MYH11: variants seen among roughly 807,000 people sequenced by gnomAD.
MYH11 encodes myosin-11.
Under a neutral mutation model 246.6 loss-of-function variants are expected in MYH11, and 80 were observed. The observed-to-expected ratio is 0.32, with a 90% CI of 0.27 to 0.39. The LOEUF (loss-of-function observed/expected upper bound fraction) is 0.39, where lower values mean the gene tolerates loss of function less well. Ranked by LOEUF, MYH11 falls within the 10% of genes least tolerant of loss-of-function variation. The probability of loss-of-function intolerance (pLI) is 1.00; values close to 1 mark genes in which losing one functional copy is unlikely to be tolerated. For missense variants in MYH11, 2,158 were observed against 2,546.8 expected (o/e 0.85, Z 3.29); for synonymous variants, 1,071 against 1,015.5 (o/e 1.05, Z -1.04).
At chr16:15,773,290 ATTTTT>A in intron 8 of MYH11, among the ~76,000 whole-genome samples, 1 of 128,632 alleles carries the variant, frequency 7.8e-6, no homozygotes, top group African/African-American at 2.9e-5. Flanking sequence ...TCCTCCAGCT[ATTTTT>A]TTTTTTTTTT....
Position 15,813,485 on chromosome 16 carries a change from TA to T in MYH11, c.502+9769del, listed in dbSNP as rs566396517. Among the ~76,000 whole-genome samples the T allele has an allele frequency of 7.3e-3, 1,108 of 152,256 alleles. 13 individuals carry two copies. Among genetic ancestry groups the T allele is most frequent in the African/African-American group, 0.025 (1,044 of 41,556 alleles). ...TCCTAATCTGGTCCTGTCCACCTTG[TA>T]GGTTTGTGGTAAAGATTAACTGAGA... is the stretch of plus-strand genomic sequence containing the variant. On this transcript the variant is annotated intron_variant, in intron 3 of 40. Coordinates refer to ENST00000300036, the MANE Select transcript of MYH11 (RefSeq NM_002474.3).
At chr16:15,746,220 C>G (rs561982587) in intron 19 of MYH11, among the ~76,000 whole-genome samples, 1 of 152,068 alleles carries the variant, frequency 6.6e-6, no homozygotes, top group Non-Finnish European at 1.5e-5. Flanking sequence ...AGCTACCACA[C>G]CCAGCCCTGT....
At chr16:15,813,112 A>T (rs2151341184) in intron 3 of MYH11, among the ~76,000 whole-genome samples, 1 of 152,274 alleles carries the variant, frequency 6.6e-6, no homozygotes, top group Middle Eastern at 3.4e-3. Flanking sequence ...GGTTGCAGTG[A>T]GCTGAGATCG....
chr16:15,829,411 T>C (rs2043666678), intron 2 of MYH11, among the ~76,000 whole-genome samples: 1 of 152,298 alleles, frequency 6.6e-6, no homozygotes, highest in South Asian at 2.1e-4. Flanking sequence ...GGTATGACGA[T>C]GGAGTGAAGG....
intron 3 of MYH11, among the ~76,000 whole-genome samples, chr16:15,815,026 CCTT>C (rs1252721096): frequency 6.6e-6 from 1 of 152,182 alleles, no homozygotes; most frequent in Non-Finnish European, 1.5e-5. Context: ...TTTCTACAAA[CCTT>C]CTCTGAAGAA....
intron 1 of MYH11, among the ~76,000 whole-genome samples, chr16:15,849,398 T>C (rs2044275651): frequency 6.6e-6 from 1 of 152,244 alleles, no homozygotes; most frequent in Non-Finnish European, 1.5e-5. Flanking sequence ...TTGACACATC[T>C]GAGTGTGTCA....
intron 24 of MYH11, among the ~76,000 whole-genome samples, chr16:15,737,898 T>G (rs1168131365): frequency 3.9e-5 from 6 of 152,094 alleles, no homozygotes; most frequent in African/African-American, 1.4e-4. Context: ...GTTCAAGCAA[T>G]TCTCCTGCCT....
At chr16:15,773,161 C>T (rs533570101) in intron 8 of MYH11, among the ~76,000 whole-genome samples, 1 of 151,728 alleles carries the variant, frequency 6.6e-6, no homozygotes, top group Non-Finnish European at 1.5e-5. Context: ...TATTGGAAGA[C>T]CAGAGGCAAA....
chr16:15,817,610 C>G (rs749103410), intron 3 of MYH11, among the ~76,000 whole-genome samples: 1 of 152,162 alleles, frequency 6.6e-6, no homozygotes, highest in Non-Finnish European at 1.5e-5. Context: ...TCTTCCCATA[C>G]CCTCAAGGGG....
intron 3 of MYH11, among the ~76,000 whole-genome samples, chr16:15,809,879 A>G (rs1438047689): frequency 2.0e-5 from 3 of 149,762 alleles, no homozygotes; most frequent in African/African-American, 4.9e-5. Context: ...CCGAGATCAC[A>G]CCACTACACT....
At position 15,750,288 on chromosome 16, in the gene MYH11, C is replaced by T. The variant is rs1312174913; in HGVS notation, c.1908G>A (p.Glu636=). The T allele has an allele frequency of 6.2e-7, 1 of 1,613,546 alleles. No homozygotes were observed. Among genetic ancestry groups the T allele is most frequent in the African/African-American group, 1.3e-5 (1 of 75,044 alleles). ...TCTTGGAGGCGCTGGGCAGCGAGCT[C>T]TCCGTCATCTTGGCCATCTGGTCCA... ...VGLDQMAKMT[E]SSLPSASKTK... The change falls in exon 16 of 41, where the codon GAG becomes GAA. Residue 636 remains glutamate, a synonymous_variant. Coordinates refer to ENST00000300036, the MANE Select transcript of MYH11 (RefSeq NM_002474.3). This position sits in a 1 kb window ranked among gnomAD's most constrained non-coding sequence, Gnocchi z 4.3.
At chr16:15,821,151 C>T (rs939277050) in intron 3 of MYH11, among the ~76,000 whole-genome samples, 6 of 152,240 alleles carry the variant, frequency 3.9e-5, no homozygotes, top group African/African-American at 1.4e-4. Context: ...GGATTACAGG[C>T]GTGAGCCACT....
intron 36 of MYH11, 53 bp downstream of exon 36, chr16:15,719,167 C>G: frequency 6.5e-7 from 1 of 1,532,680 alleles, no homozygotes; most frequent in Non-Finnish European, 9.0e-7. Context: ...GAGGATGCTG[C>G]CTGTCCCCCC....
rs901083970 is a variant in MYH11, at chr16:15,735,382, T to A, written c.3490A>T (p.Thr1164Ser). The change falls in exon 26 of 41, where the codon ACT becomes TCT. Residue 1164 changes from threonine (T) to serine (S), a missense_variant. By Grantham distance (58) the Thr-to-Ser change is moderately conservative. Transcript: ENST00000300036. ...GCCCCTCACCTGAGCTCCTGCTGAG[T>A]GGCTGTGCTGTCCAGTGTGTCTTCC... ...ELEDTLDSTA[T>S]QQELRAKREQ... 1 of 1,613,702 alleles carries A rather than the reference T, an allele frequency of 6.2e-7. No homozygotes were observed. The highest frequency in any genetic ancestry group is 8.5e-7 in the Non-Finnish European group (1 of 1,180,006).
chr16:15,715,102 G>C (rs1273233664), intron 39 of MYH11, 21 bp from the exon 40 acceptor site: 1 of 1,612,542 alleles, frequency 6.2e-7, no homozygotes, highest in African/African-American at 1.3e-5. Flanking sequence ...GAGTTGGAGG[G>C]GTGGTTAGGG....
chr16:15,812,540 GATCTT>G (rs2043161991), intron 3 of MYH11, among the ~76,000 whole-genome samples: 1 of 81,278 alleles, frequency 1.2e-5, no homozygotes, highest in African/African-American at 4.9e-5. Context: ...AACACAGTAA[GATCTT>G]ATCTCTAAAA....
intron 40 of MYH11, among the ~76,000 whole-genome samples, chr16:15,710,337 A>G: frequency 6.6e-6 from 1 of 152,120 alleles, no homozygotes; most frequent in East Asian, 1.9e-4. Flanking sequence ...CCCAGCCAGT[A>G]TGGTGAAACC....
intron 27 of MYH11, among the ~76,000 whole-genome samples, chr16:15,730,280 T>C (rs540657440): frequency 1.0e-4 from 15 of 150,656 alleles, no homozygotes; most frequent in African/African-American, 3.7e-4. Context: ...ACCTGTCATC[T>C]CAGCACTTTG....
At position 15,756,523 on chromosome 16, in the gene MYH11, G is replaced by A. The variant is rs1057521240; in HGVS notation, c.1576-9C>T. ...ACACCTGGAGGGTTGTTCTGTGGGA[G>A]ACAAGTAGGGCTTGAATCAGAGAGA... is the stretch of plus-strand genomic sequence containing the variant. On this transcript the variant is annotated splice_polypyrimidine_tract_variant and intron_variant, in intron 13 of 40. Transcript: ENST00000300036. The A allele has an allele frequency of 5.6e-6, 9 of 1,614,026 alleles. No homozygotes were observed. Among genetic ancestry groups the A allele is most frequent in the Non-Finnish European group, 7.6e-6 (9 of 1,180,042 alleles).
Sources: allele counts gnomAD v4.1 joint callset (sites outside exome capture counted in the v4.1 genomes callset), GRCh38; gene constraint gnomAD v4.1.1; non-coding constraint Gnocchi (gnomAD v3.1); transcripts MANE v1.5; gene names NCBI Gene and HGNC (gene_info 2026-07-23, HGNC 2026-07-21).